Variants in KIZ observed in about 807,000 individuals in gnomAD.
The protein encoded by KIZ is kizuna centrosomal protein, also known as centrosomal protein kizuna.
KIZ carries 68 observed loss-of-function variants against 79.6 expected under a neutral mutation model. The ratio of observed to expected loss-of-function variants is 0.85; its 90% CI spans 0.70 to 1.05. The LOEUF is 1.05. Among genes scored for constraint, KIZ ranks in the 50% least tolerant of loss-of-function variants. The pLI, the probability that KIZ is intolerant of heterozygous loss-of-function variation, is 0.00. For missense variants in KIZ, 797 were observed against 800.4 expected (o/e 1.00, Z 0.05); for synonymous variants, 280 against 281.8 (o/e 0.99, Z 0.06).
intron 9 of KIZ, 23 bp downstream of exon 9, chr20:21,215,671 G>C: frequency 1.1e-5 from 16 of 1,519,672 alleles, no homozygotes; most frequent in Non-Finnish European, 1.5e-5. Context: ...TTGCCTAAGA[G>C]TTTCAGACAC....
chr20:21,182,953 T>G (rs1470496665), intron 6 of KIZ, among the ~76,000 whole-genome samples: 1 of 152,162 alleles, frequency 6.6e-6, no homozygotes, highest in Non-Finnish European at 1.5e-5. Flanking sequence ...TGGCTTAGAT[T>G]AATCACAGTC....
intron 6 of KIZ, among the ~76,000 whole-genome samples, chr20:21,191,329 T>C (rs1402020259): frequency 6.6e-6 from 1 of 152,224 alleles, no homozygotes; most frequent in Non-Finnish European, 1.5e-5. Context: ...TTCCATGTAA[T>C]AGACATGCCA....
intron 1 of KIZ, among the ~76,000 whole-genome samples, chr20:21,126,715 T>C (rs1274877142): frequency 6.6e-6 from 1 of 152,174 alleles, no homozygotes; most frequent in Non-Finnish European, 1.5e-5. Context: ...TAGCGAGGGC[T>C]GGCTAGATTT....
chr20:21,220,527 A>C (rs1490963466), intron 9 of KIZ, among the ~76,000 whole-genome samples: 2 of 152,034 alleles, frequency 1.3e-5, no homozygotes. Flanking sequence ...TCCATCACCC[A>C]GGCTGGAGTG....
intron 7 of KIZ, among the ~76,000 whole-genome samples, chr20:21,211,815 A>G (rs1186535864): frequency 1.3e-5 from 2 of 152,222 alleles, no homozygotes; most frequent in Non-Finnish European, 2.9e-5. Context: ...TTTGCAAGGC[A>G]CAGTGGCTCA....
chr20:21,126,219 G>A lies in KIZ; in HGVS notation c.89+15G>A. On this transcript the variant is annotated intron_variant, in intron 1 of 12. Coordinates refer to ENST00000619189, the MANE Select transcript of KIZ (RefSeq NM_018474.6). ...CTGCGGGACAGGTAAGGGCACTGGG[G>A]CGGGGGTGGGGAGTCGGCCCGCGCC... is the stretch of plus-strand genomic sequence containing the variant. The A allele has an allele frequency of 7.1e-7, 1 of 1,413,476 alleles. No homozygotes were observed. Among genetic ancestry groups the A allele is most frequent in the Non-Finnish European group, 9.3e-7 (1 of 1,072,740 alleles). The allele number at this position is 1,413,476 out of a possible 1,614,324, so 87.6% of individuals were successfully genotyped here.
chr20:21,162,421 C>T lies in KIZ; in HGVS notation c.956C>T (p.Pro319Leu). The T allele has an allele frequency of 6.2e-7, 1 of 1,613,394 alleles. No homozygotes were observed. Among genetic ancestry groups the T allele is most frequent in the Admixed American group, 1.7e-5 (1 of 59,984 alleles). ...IEVEEKRASP[P>L]VSPIPVSEYC... Reference sequence around the variant, plus strand: ...GTTGAGGAAAAAAGAGCCAGCCCGCCAGTCTCTCCGATACCAGTTTCAGAA... The same window carrying T: ...GTTGAGGAAAAAAGAGCCAGCCCGCTAGTCTCTCCGATACCAGTTTCAGAA... Residue 319 changes from proline to leucine, a missense_variant, in exon 5 of 13, where the codon CCA (proline) becomes CTA (leucine). Coordinates refer to ENST00000619189, the MANE Select transcript of KIZ (RefSeq NM_018474.6).
chr20:21,147,975 G>GTC, intron 4 of KIZ, among the ~76,000 whole-genome samples: 1 of 151,696 alleles, frequency 6.6e-6, no homozygotes, highest in East Asian at 2.0e-4. Flanking sequence ...GTGTGTGTGT[G>GTC]TGTGTGTGTG....
At chr20:21,202,163 T>G (rs1439230743) in intron 6 of KIZ, among the ~76,000 whole-genome samples, 1 of 152,248 alleles carries the variant, frequency 6.6e-6, no homozygotes, top group Non-Finnish European at 1.5e-5. Flanking sequence ...GCCTTCATTT[T>G]GCTTCTGCAG....
intron 11 of KIZ, among the ~76,000 whole-genome samples, chr20:21,233,119 C>T (rs2036889593): frequency 6.6e-6 from 1 of 152,186 alleles, no homozygotes; most frequent in Non-Finnish European, 1.5e-5. Context: ...TGCTTAGAGA[C>T]CACACAATGG....
chr20:21,157,335 A>G (rs1169824921), intron 4 of KIZ, among the ~76,000 whole-genome samples: 1 of 152,188 alleles, frequency 6.6e-6, no homozygotes, highest in Non-Finnish European at 1.5e-5. Flanking sequence ...GGCCACTAAC[A>G]TGCCATGTAC....
At chr20:21,211,098 T>C (rs1304561896) in intron 7 of KIZ, among the ~76,000 whole-genome samples, 1 of 152,236 alleles carries the variant, frequency 6.6e-6, no homozygotes, top group Non-Finnish European at 1.5e-5. Flanking sequence ...TGTCTGTTTA[T>C]ACATTTGAAT....
At chr20:21,176,779 A>C (rs1466013093) in intron 6 of KIZ, among the ~76,000 whole-genome samples, 1 of 152,198 alleles carries the variant, frequency 6.6e-6, no homozygotes, top group Non-Finnish European at 1.5e-5. Context: ...TATAATAAAG[A>C]ATAAAAAAGT....
chr20:21,168,141 A>G (rs1018316035), intron 6 of KIZ, among the ~76,000 whole-genome samples: 8 of 152,026 alleles, frequency 5.3e-5, no homozygotes, highest in African/African-American at 1.4e-4. Context: ...TCATTGTTCA[A>G]TTCCCACCTA....
intron 4 of KIZ, among the ~76,000 whole-genome samples, chr20:21,146,892 C>G (rs929488555): frequency 6.6e-6 from 1 of 151,934 alleles, no homozygotes; most frequent in African/African-American, 2.4e-5. Flanking sequence ...ACACCAAGCC[C>G]CAGCAACCTT....
chr20:21,144,361 T>C (rs1010032561), intron 3 of KIZ, among the ~76,000 whole-genome samples: 2 of 152,216 alleles, frequency 1.3e-5, no homozygotes, highest in Non-Finnish European at 2.9e-5. Flanking sequence ...ATACTATCCC[T>C]TGGAATCTGT....
intron 7 of KIZ, among the ~76,000 whole-genome samples, chr20:21,209,561 A>G (rs566879492): frequency 1.3e-5 from 1 of 77,728 alleles, no homozygotes; most frequent in Non-Finnish European, 2.6e-5. Flanking sequence ...GCTGGGTCAT[A>G]TGAATATCTT....
chr20:21,224,355 T>G (rs2036595916), intron 9 of KIZ, among the ~76,000 whole-genome samples: 1 of 152,250 alleles, frequency 6.6e-6, no homozygotes, highest in African/African-American at 2.4e-5. Context: ...TTGAAGTAAC[T>G]TAAGAAATAT....
intron 11 of KIZ, among the ~76,000 whole-genome samples, chr20:21,235,795 TG>T (rs774585617): frequency 1.1e-4 from 16 of 152,216 alleles, no homozygotes; most frequent in Non-Finnish European, 1.8e-4. Flanking sequence ...AGGGCCACCG[TG>T]GGTGGCATTC....
Sources: gnomAD v4.1 joint callset for allele counts (sites outside exome capture counted in the v4.1 genomes callset) on GRCh38, gnomAD v4.1.1 for gene constraint, MANE v1.5 for transcripts, NCBI Gene and HGNC (gene_info 2026-07-23, HGNC 2026-07-21) for gene names.